PCDH15: variants seen among roughly 807,000 people sequenced by gnomAD.
PCDH15 encodes the protein protocadherin related 15, also known as protocadherin-15.
A neutral mutation model predicts 178.5 loss-of-function variants in PCDH15; 129 were observed. The ratio of observed to expected loss-of-function variants is 0.72; its 90% CI spans 0.63 to 0.84. PCDH15 has a LOEUF of 0.84. PCDH15 is among the 40% of genes least tolerant of loss of function. The pLI is 0.00. For missense variants in PCDH15, 2,230 were observed against 2,099.9 expected (o/e 1.06, Z -1.21); for synonymous variants, 800 against 732.0 (o/e 1.09, Z -1.50).
chr10:54,238,118 C>T (rs1207644603), intron 8 of PCDH15, among the ~76,000 whole-genome samples: 1 of 152,062 alleles, frequency 6.6e-6, no homozygotes, highest in Non-Finnish European at 1.5e-5. Context: ...CATATTTGGG[C>T]TGAGGGCTGT....
intron 2 of PCDH15, among the ~76,000 whole-genome samples, chr10:54,899,495 A>G (rs1288863930): frequency 1.2e-5 from 1 of 83,526 alleles, no homozygotes; most frequent in Non-Finnish European, 2.5e-5. Context: ...TCCCTTCCGT[A>G]ATTTTCTTTT....
intron 14 of PCDH15, among the ~76,000 whole-genome samples, chr10:54,147,092 G>T (rs1294116651): frequency 6.7e-6 from 1 of 149,894 alleles, no homozygotes; most frequent in East Asian, 1.9e-4. Context: ...AAAGAAGTCT[G>T]AAAGCAAAGC....
At chr10:55,035,529 T>C (rs908286474) in intron 2 of PCDH15, among the ~76,000 whole-genome samples, 2 of 152,180 alleles carry the variant, frequency 1.3e-5, no homozygotes, top group South Asian at 4.1e-4. Flanking sequence ...ATAATCCTAC[T>C]ATACCATGCA....
chr10:55,332,289 G>A (rs1037734959), intron 2 of PCDH15, among the ~76,000 whole-genome samples: 4 of 151,880 alleles, frequency 2.6e-5, no homozygotes. Flanking sequence ...ACATTTTATG[G>A]CAGTTAATGG....
At position 53,871,470 on chromosome 10, in the gene PCDH15, G is replaced by GTA. The variant is rs1369765615; in HGVS notation, c.3502-4614_3502-4613insTA. On this transcript the variant is annotated intron_variant, in intron 26 of 37. Transcript: ENST00000644397. Reference sequence around the variant, plus strand: ...TTCATACGTGTGTGTGTGTGTGTGTGTGTGTGTGTGTATATACACAAAAAT... The same window carrying GTA: ...TTCATACGTGTGTGTGTGTGTGTGTGTATGTGTGTGTGTATATACACAAAAAT... Among the ~76,000 whole-genome samples the GTA allele has an allele frequency of 3.8e-4, 57 of 151,428 alleles. 1 individual carries two copies. The highest frequency in any genetic ancestry group is 1.3e-3 in the African/African-American group (53 of 40,984).
intron 3 of PCDH15, among the ~76,000 whole-genome samples, chr10:54,500,923 T>C (rs754650543): frequency 1.3e-5 from 2 of 151,910 alleles, no homozygotes; most frequent in Non-Finnish European, 2.9e-5. Context: ...AAAGAATGAG[T>C]TCATGTCCTT....
chr10:55,046,682 G>A (rs1841014658), intron 2 of PCDH15, among the ~76,000 whole-genome samples: 2 of 151,960 alleles, frequency 1.3e-5, no homozygotes, highest in South Asian at 4.1e-4. Flanking sequence ...TTGACAAAAG[G>A]CAGATGAGGA....
chr10:55,191,912 A>G (rs1278012399), intron 1 of PCDH15, among the ~76,000 whole-genome samples: 1 of 151,928 alleles, frequency 6.6e-6, no homozygotes, highest in Non-Finnish European at 1.5e-5. Flanking sequence ...TGAACAAGAT[A>G]GCAAACCACT....
At chr10:54,775,980 T>C (rs1949659128) in intron 1 of PCDH15, among the ~76,000 whole-genome samples, 1 of 152,206 alleles carries the variant, frequency 6.6e-6, no homozygotes, top group African/African-American at 2.4e-5. Flanking sequence ...TGCATTTTAC[T>C]TCTATGAGAT....
chr10:54,704,698 G>T (rs2095348092), intron 1 of PCDH15, among the ~76,000 whole-genome samples: 1 of 152,066 alleles, frequency 6.6e-6, no homozygotes, highest in African/African-American at 2.4e-5. Flanking sequence ...TGGTTGCAAA[G>T]AAAAGGAACA....
intron 2 of PCDH15, among the ~76,000 whole-genome samples, chr10:55,072,460 C>T (rs1564771659): frequency 6.6e-6 from 1 of 152,166 alleles, no homozygotes; most frequent in East Asian, 1.9e-4. Context: ...TCAGAGAATA[C>T]TACGAACACC....
intron 2 of PCDH15, among the ~76,000 whole-genome samples, chr10:55,094,615 T>C (rs1842402652): frequency 6.6e-6 from 1 of 152,108 alleles, no homozygotes; most frequent in South Asian, 2.1e-4. Flanking sequence ...CAATTTACAA[T>C]AATGTTTTAA....
At chr10:53,836,011 CGTAA>C (rs1554825658) in intron 29 of PCDH15, among the ~76,000 whole-genome samples, 1 of 152,030 alleles carries the variant, frequency 6.6e-6, no homozygotes, top group Non-Finnish European at 1.5e-5. Context: ...AAACAAGGGC[CGTAA>C]GTATTAGAGG....
At chr10:55,447,988 C>A (rs1366476666) in intron 2 of PCDH15, among the ~76,000 whole-genome samples, 1 of 151,872 alleles carries the variant, frequency 6.6e-6, no homozygotes, top group African/African-American at 2.4e-5. Flanking sequence ...CTGGTTAACA[C>A]TGGGTTGTGT....
intron 2 of PCDH15, among the ~76,000 whole-genome samples, chr10:54,631,571 A>G (rs911164409): frequency 2.0e-5 from 3 of 152,142 alleles, no homozygotes; most frequent in Non-Finnish European, 2.9e-5. Context: ...TAAGGAAAAT[A>G]AATCATCCTA....
At chr10:54,266,603 C>T (rs1275037623) in intron 8 of PCDH15, among the ~76,000 whole-genome samples, 1 of 151,668 alleles carries the variant, frequency 6.6e-6, no homozygotes, top group Non-Finnish European at 1.5e-5. Flanking sequence ...GCACAATCAG[C>T]AATAACAAAG....
chr10:54,532,778 T>G (rs2084064497), intron 2 of PCDH15, among the ~76,000 whole-genome samples: 1 of 151,832 alleles, frequency 6.6e-6, no homozygotes, highest in Admixed American at 6.6e-5. Context: ...AAAAAACAAC[T>G]AATTCCAGGC....
At chr10:54,455,893 G>A (rs2076786504) in intron 3 of PCDH15, among the ~76,000 whole-genome samples, 1 of 152,184 alleles carries the variant, frequency 6.6e-6, no homozygotes, top group African/African-American at 2.4e-5. Context: ...AGCTCAGGCT[G>A]TTCTTCAATG....
chr10:55,608,425 C>T (rs1332545170), intron 2 of PCDH15, among the ~76,000 whole-genome samples: 1 of 151,484 alleles, frequency 6.6e-6, no homozygotes, highest in African/African-American at 2.4e-5. Flanking sequence ...TCCTTTAACA[C>T]ATTTTCTGTA....
Sources: allele counts gnomAD v4.1 joint callset (sites outside exome capture counted in the v4.1 genomes callset), GRCh38; gene constraint gnomAD v4.1.1; transcripts MANE v1.5; gene names NCBI Gene and HGNC (gene_info 2026-07-23, HGNC 2026-07-21).